PDE4D: variants seen among roughly 807,000 people sequenced by gnomAD.
PDE4D encodes the protein 3',5'-cyclic-AMP phosphodiesterase 4D.
PDE4D carries 24 observed loss-of-function variants against 87.4 expected under a neutral mutation model. The ratio of observed to expected loss-of-function variants is 0.27; its 90% CI spans 0.20 to 0.39. The LOEUF is 0.39. PDE4D is among the 10% of genes least tolerant of loss of function. PDE4D has a pLI of 1.00. For synonymous variants in PDE4D, 384 were observed against 383.2 expected (o/e 1.00, Z -0.02); for missense variants, 714 against 1,041.0 (o/e 0.69, Z 4.32).
intron 3 of PDE4D, among the ~76,000 whole-genome samples, chr5:59,903,048 C>G (rs1401100464): frequency 1.3e-5 from 2 of 151,744 alleles, no homozygotes; most frequent in Admixed American, 1.3e-4. Context: ...CAAGGTAAAC[C>G]TGTTCCATTC....
chr5:59,949,343 G>A (rs1201705034), intron 3 of PDE4D, among the ~76,000 whole-genome samples: 2 of 149,890 alleles, frequency 1.3e-5, no homozygotes, highest in East Asian at 2.0e-4. Context: ...TGAGACAGGA[G>A]AATGGCGTGA....
intron 1 of PDE4D, among the ~76,000 whole-genome samples, chr5:60,228,053 T>G (rs1042735133): frequency 2.0e-5 from 3 of 152,044 alleles, no homozygotes; most frequent in African/African-American, 7.2e-5. Flanking sequence ...CCCATCACTT[T>G]ACTCTTCTAC....
chr5:60,254,243 A>G (rs562593306), intron 1 of PDE4D, among the ~76,000 whole-genome samples: 3 of 152,056 alleles, frequency 2.0e-5, no homozygotes, highest in Middle Eastern at 3.4e-3. Flanking sequence ...TGTTCACATT[A>G]TACCAAGAGG....
chr5:59,920,875 G>T (rs1306093276), intron 3 of PDE4D, among the ~76,000 whole-genome samples: 5 of 144,534 alleles, frequency 3.5e-5, no homozygotes, highest in African/African-American at 1.3e-4. Context: ...TGGGGGGAGG[G>T]GGGAGGGGGA....
intron 1 of PDE4D, among the ~76,000 whole-genome samples, chr5:59,671,539 G>A (rs1167249695): frequency 1.3e-5 from 2 of 152,154 alleles, no homozygotes; most frequent in Middle Eastern, 6.8e-3. Flanking sequence ...CAGGCATGAC[G>A]ACTCACACCT....
chr5:60,149,543 C>T (rs978373793), intron 2 of PDE4D, among the ~76,000 whole-genome samples: 1 of 152,150 alleles, frequency 6.6e-6, no homozygotes, highest in South Asian at 2.1e-4. Context: ...CACTCTGCTC[C>T]AGCCTACTAG....
rs139514669 is a variant in PDE4D at position 59,530,768 on chromosome 5, C to T, written c.456-314800G>A. ...TTTTATTTATTTAGCATATGTAAGC[C>T]GGTCTCTAATAACAAAATAATTACA... On this transcript the variant is annotated intron_variant, in intron 1 of 14. Transcript: ENST00000340635. Among the ~76,000 whole-genome samples, 196 of 152,210 alleles carry T rather than the reference C, an allele frequency of 1.3e-3. 2 individuals carry two copies. In the East Asian group the frequency reaches 0.031, roughly 24 times the overall value.
intron 2 of PDE4D, among the ~76,000 whole-genome samples, chr5:59,213,835 T>C (rs1377826123): frequency 6.6e-6 from 1 of 152,158 alleles, no homozygotes; most frequent in Non-Finnish European, 1.5e-5. Flanking sequence ...GTACTTTAAC[T>C]GTTGTCTTGT....
intron 5 of PDE4D, among the ~76,000 whole-genome samples, chr5:59,175,536 C>T (rs548161628): frequency 7.9e-6 from 1 of 127,054 alleles, no homozygotes; most frequent in Admixed American, 1.0e-4. Context: ...GGCCGAAGAG[C>T]AGTGGCCTGA....
rs567920936 is a variant in PDE4D at position 60,213,637 on chromosome 5, A to T, written c.-89-27950T>A. Reference sequence around the variant, plus strand: ...TGACAACAGAATAAATTTTTTTTAAACTTTTTTTATAGTCAATAAGGCCAG... The same window carrying T: ...TGACAACAGAATAAATTTTTTTTAATCTTTTTTTATAGTCAATAAGGCCAG... On this transcript the variant is annotated intron_variant, in intron 1 of 16. Coordinates refer to the PDE4D transcript ENST00000502484. Among the ~76,000 whole-genome samples the T allele has an allele frequency of 3.7e-4, 56 of 152,200 alleles. 1 individual carries two copies. Among genetic ancestry groups the T allele is most frequent in the Admixed American group, 5.9e-4 (9 of 15,292 alleles).
At position 60,455,485 on chromosome 5, in the gene PDE4D, A is replaced by G. The variant is rs1464015904; in HGVS notation, c.-90+32457T>C. ...AGACTAATGGAGATAGGGAGAAAGG[A>G]TAAAATAAGCCCATGTAAAATTGCC... On this transcript the variant is annotated intron_variant, in intron 1 of 16. Transcript: ENST00000502484. Among the ~76,000 whole-genome samples, 4 of 152,164 alleles carry G rather than the reference A, an allele frequency of 2.6e-5. No individual in the cohort carries two copies. The East Asian group carries it at 7.7e-4, about 29-fold the overall frequency.
intron 1 of PDE4D, among the ~76,000 whole-genome samples, chr5:60,191,036 C>A (rs1312291280): frequency 6.6e-6 from 1 of 152,102 alleles, no homozygotes; most frequent in Non-Finnish European, 1.5e-5. Flanking sequence ...TAGATTCATG[C>A]CCTTTAATTT....
intron 1 of PDE4D, among the ~76,000 whole-genome samples, chr5:60,260,266 G>C (rs1035338932): frequency 2.6e-5 from 4 of 151,972 alleles, no homozygotes; most frequent in African/African-American, 9.7e-5. Context: ...TCTGAGCTCA[G>C]TAAATTACCC....
At chr5:59,271,036 G>T (rs186310690) in intron 1 of PDE4D, among the ~76,000 whole-genome samples, 5 of 136,894 alleles carry the variant, frequency 3.7e-5, no homozygotes, top group African/African-American at 8.3e-5. Context: ...TTAGAAAAAT[G>T]GATTTTTTTT....
intron 1 of PDE4D, among the ~76,000 whole-genome samples, chr5:59,699,360 AAAAT>A (rs1225368757): frequency 6.6e-6 from 1 of 152,176 alleles, no homozygotes. Flanking sequence ...GAAAAATAAT[AAAAT>A]AAAAAGAGTT....
At chr5:60,105,825 C>A (rs1415284676) in intron 2 of PDE4D, among the ~76,000 whole-genome samples, 1 of 152,126 alleles carries the variant, frequency 6.6e-6, no homozygotes, top group Non-Finnish European at 1.5e-5. Flanking sequence ...GAGATTTTGT[C>A]ACCACCAGGC....
upstream of PDE4D, among the ~76,000 whole-genome samples, chr5:59,895,303 C>A (rs767686470): frequency 1.3e-5 from 2 of 151,990 alleles, no homozygotes; most frequent in African/African-American, 4.8e-5. Flanking sequence ...AGAAGGCCTT[C>A]ATCATCTCTT....
At chr5:60,090,944 A>AC (rs1255124559) in intron 2 of PDE4D, among the ~76,000 whole-genome samples, 2 of 152,212 alleles carry the variant, frequency 1.3e-5, no homozygotes, top group African/African-American at 2.4e-5. Flanking sequence ...ACACACACAC[A>AC]AAAACACATC....
At chr5:59,000,606 G>A (rs1750310921) in intron 6 of PDE4D, among the ~76,000 whole-genome samples, 1 of 152,190 alleles carries the variant, frequency 6.6e-6, no homozygotes, top group African/African-American at 2.4e-5. Context: ...GGAGGGAAAT[G>A]TGAAAGCTAG....
Sources: allele counts gnomAD v4.1 joint callset (sites outside exome capture counted in the v4.1 genomes callset), GRCh38; gene constraint gnomAD v4.1.1; transcripts MANE v1.5; gene names NCBI Gene and HGNC (gene_info 2026-07-23, HGNC 2026-07-21).